The following CSMD1 variants were observed in gnomAD, a reference collection of about 807,000 sequenced individuals.
CSMD1 encodes the protein CUB and sushi domain-containing protein 1.
A neutral mutation model predicts 417.5 loss-of-function variants in CSMD1; 213 were observed. That is an observed-to-expected ratio of 0.51 (90% CI 0.46 to 0.57). The LOEUF (loss-of-function observed/expected upper bound fraction) is 0.57. CSMD1 is among the 20% of genes least tolerant of loss of function. The pLI is 0.00. For synonymous variants in CSMD1, 2,862 were observed against 1,736.8 expected, an observed-to-expected ratio of 1.65 and a Z score of -16.11; for missense variants, 6,923 against 4,529.7, an observed-to-expected ratio of 1.53 and a Z score of -15.17.
chr8:4,121,069 CTGTT>C lies in CSMD1; in HGVS notation c.416-88974_416-88971del, dbSNP rs374643639. On this transcript the variant is annotated intron_variant, in intron 3 of 69. Coordinates refer to ENST00000635120, the MANE Select transcript of CSMD1 (RefSeq NM_033225.6). The stretch of plus-strand genomic sequence containing the variant: ...AAAGGAGTTTCTTTTCTGACTGGGT[CTGTT>C]TGTCAAGGTATTTTTATTTTATTTT... Among the ~76,000 whole-genome samples the C allele has an allele frequency of 6.6e-5, 10 of 151,880 alleles. No homozygotes were observed. In the South Asian group the frequency reaches 2.1e-3, roughly 32 times the overall value.
chr8:4,906,052 A>C (rs1269383798), intron 1 of CSMD1, among the ~76,000 whole-genome samples: 1 of 152,080 alleles, frequency 6.6e-6, no homozygotes, highest in Non-Finnish European at 1.5e-5. Flanking sequence ...AATATACTGT[A>C]AGAAACTTTC....
At chr8:4,054,298 C>T (rs569312143) in intron 3 of CSMD1, among the ~76,000 whole-genome samples, 68 of 152,084 alleles carry the variant, frequency 4.5e-4, no homozygotes, top group African/African-American at 1.6e-3. Flanking sequence ...GCTTCCACTT[C>T]ACATTCTCTC....
intron 3 of CSMD1, among the ~76,000 whole-genome samples, chr8:4,131,640 C>T (rs935187864): frequency 1.3e-5 from 2 of 151,404 alleles, no homozygotes; most frequent in Non-Finnish European, 2.9e-5. Context: ...TTGACTAGTT[C>T]TCAAGTAAAT....
intron 1 of CSMD1, among the ~76,000 whole-genome samples, chr8:4,857,930 C>G (rs1181014458): frequency 6.6e-6 from 1 of 151,908 alleles, no homozygotes; most frequent in African/African-American, 2.4e-5. Flanking sequence ...CAGCATCATT[C>G]TGATACCAAA....
At chr8:4,053,828 A>G (rs1798557697) in intron 3 of CSMD1, among the ~76,000 whole-genome samples, 1 of 152,188 alleles carries the variant, frequency 6.6e-6, no homozygotes, top group Non-Finnish European at 1.5e-5. Context: ...AAAAATGTTC[A>G]GTAGCTTTTA....
intron 3 of CSMD1, among the ~76,000 whole-genome samples, chr8:4,274,143 A>T (rs1204576233): frequency 6.6e-6 from 1 of 152,172 alleles, no homozygotes; most frequent in Non-Finnish European, 1.5e-5. Flanking sequence ...AGTGACTCTA[A>T]TACTCACTAA....
intron 10 of CSMD1, among the ~76,000 whole-genome samples, chr8:3,502,523 T>G (rs1005975950): frequency 2.0e-5 from 3 of 152,136 alleles, no homozygotes; most frequent in Non-Finnish European, 4.4e-5. Flanking sequence ...GGAATATTAT[T>G]CAGGGCTAAA....
intron 5 of CSMD1, among the ~76,000 whole-genome samples, chr8:3,980,583 C>A (rs1241972078): frequency 6.6e-6 from 1 of 152,048 alleles, no homozygotes. Context: ...AAATAGTTTC[C>A]CCCCTTGTTA....
intron 7 of CSMD1, among the ~76,000 whole-genome samples, chr8:3,663,337 C>G (rs1412167667): frequency 1.3e-5 from 2 of 152,126 alleles, no homozygotes; most frequent in Non-Finnish European, 2.9e-5. Flanking sequence ...ATGGTGCGTT[C>G]TGTTTGGAAC....
At chr8:4,673,994 C>T (rs1410036644) in intron 1 of CSMD1, among the ~76,000 whole-genome samples, 1 of 152,098 alleles carries the variant, frequency 6.6e-6, no homozygotes, top group East Asian at 1.9e-4. Context: ...TCGAATTGTG[C>T]ACTATACAGA....
At chr8:4,824,820 T>C (rs1021091213) in intron 1 of CSMD1, among the ~76,000 whole-genome samples, 2 of 152,136 alleles carry the variant, frequency 1.3e-5, no homozygotes, top group African/African-American at 2.4e-5. Flanking sequence ...TGACCAGGTA[T>C]ATAGCCTATA....
intron 5 of CSMD1, among the ~76,000 whole-genome samples, chr8:3,789,980 C>G (rs1022546191): frequency 6.6e-6 from 1 of 152,098 alleles, no homozygotes; most frequent in African/African-American, 2.4e-5. Flanking sequence ...ATCCGCCCAC[C>G]TCGGCCTCCC....
chr8:3,836,550 T>C (rs1802718795), intron 5 of CSMD1, among the ~76,000 whole-genome samples: 1 of 152,038 alleles, frequency 6.6e-6, no homozygotes, highest in African/African-American at 2.4e-5. Flanking sequence ...ATGGAGTGAG[T>C]CAGAAAAGTG....
At chr8:4,547,967 A>C (rs946507739) in intron 2 of CSMD1, among the ~76,000 whole-genome samples, 1 of 152,190 alleles carries the variant, frequency 6.6e-6, no homozygotes, top group African/African-American at 2.4e-5. Context: ...GGGTAATTAC[A>C]TTTATTGAGC....
chr8:3,706,805 A>G (rs1489743471), intron 7 of CSMD1, among the ~76,000 whole-genome samples: 1 of 152,218 alleles, frequency 6.6e-6, no homozygotes, highest in Non-Finnish European at 1.5e-5. Context: ...CCTCTACAGA[A>G]CATTCTATAC....
At chr8:3,338,553 C>G (rs546341281) in intron 23 of CSMD1, among the ~76,000 whole-genome samples, 1 of 152,146 alleles carries the variant, frequency 6.6e-6, no homozygotes, top group Non-Finnish European at 1.5e-5. Flanking sequence ...GTGAATGTCC[C>G]TATTTCCCTG....
At position 3,914,320 on chromosome 8, in the gene CSMD1, G is replaced by A. The variant is rs116450621; in HGVS notation, c.818+83583C>T. 7.4e-4 allele frequency among the ~76,000 whole-genome samples: 113 copies of A among 152,024 alleles called. No individual in the cohort carries two copies. The South Asian group carries it at 0.014, about 18-fold the overall frequency. On this transcript the variant is annotated intron_variant, in intron 5 of 69. Transcript: ENST00000635120. Reference sequence around the variant, plus strand: ...GCTCATGGTTTTTAAGAACGAGGAAGAGAATGGGGCCTAGAGGGTATCAGG... The same window carrying A: ...GCTCATGGTTTTTAAGAACGAGGAAAAGAATGGGGCCTAGAGGGTATCAGG...
chr8:4,178,275 TA>T lies in CSMD1; in HGVS notation c.416-146177del, dbSNP rs372439600. Reference sequence around the variant, plus strand: ...TCCCTGGGATGCAAGGCTGGTTCAATATACGCAAATCAATAAATGTAATCCA... The same window carrying T: ...TCCCTGGGATGCAAGGCTGGTTCAATTACGCAAATCAATAAATGTAATCCA... On this transcript the variant is annotated intron_variant, in intron 3 of 69. Coordinates refer to ENST00000635120, the MANE Select transcript of CSMD1 (RefSeq NM_033225.6). Among the ~76,000 whole-genome samples, 132 of 152,040 alleles carry T rather than the reference TA, an allele frequency of 8.7e-4. 2 individuals are homozygous for T. In the East Asian group the frequency reaches 0.024, roughly 28 times the overall value.
chr8:3,854,073 T>A (rs1036904527), intron 5 of CSMD1, among the ~76,000 whole-genome samples: 7 of 145,838 alleles, frequency 4.8e-5, no homozygotes, highest in Non-Finnish European at 9.0e-5. Context: ...ATTTAGCATA[T>A]AATATACTAA....
Sources: gnomAD v4.1 joint callset for allele counts (sites outside exome capture counted in the v4.1 genomes callset) on GRCh38, gnomAD v4.1.1 for gene constraint, MANE v1.5 for transcripts, NCBI Gene and HGNC (gene_info 2026-07-23, HGNC 2026-07-21) for gene names.